Variants in SSH1 observed in about 807,000 individuals in gnomAD.
SSH1 encodes slingshot protein phosphatase 1.
Under a neutral mutation model 79.7 loss-of-function variants are expected in SSH1, and 43 were observed. The ratio of observed to expected loss-of-function variants is 0.54; its 90% CI spans 0.42 to 0.70. The LOEUF (loss-of-function observed/expected upper bound fraction) is 0.70. Ranked by LOEUF, SSH1 falls within the 30% of genes least tolerant of loss-of-function variation. SSH1 has a pLI of 0.00. For missense variants in SSH1, 1,206 were observed against 1,358.8 expected (o/e 0.89, Z 1.77); for synonymous variants, 599 against 538.3 (o/e 1.11, Z -1.56).
Position 108,817,139 on chromosome 12 carries a change from G to C in SSH1, c.300C>G (p.Ala100=). 6.2e-7 allele frequency: 1 copy of C among 1,614,098 alleles called. No individual in the cohort carries two copies. Among genetic ancestry groups the C allele is most frequent in the Non-Finnish European group, 8.5e-7 (1 of 1,180,022 alleles). ...RIKLAVRLES[A]WADRVRYMVV... is the part of the protein sequence containing the mutation. ...CCATGTACCGGACCCGGTCCGCCCA[G>C]GCGCTCTCCAGGCGCACTGCCTGGA... Residue 100 remains alanine, a synonymous_variant, in exon 5 of 15, where the codon GCC becomes GCG. Coordinates refer to ENST00000326495, the MANE Select transcript of SSH1 (RefSeq NM_018984.4).
chr12:108,783,697 G>A lies in SSH1; in HGVS notation c.*4291C>T, dbSNP rs2036192966. 6.6e-6 allele frequency: 1 copy of A among 152,260 alleles called. No individual in the cohort carries two copies. The highest frequency in any genetic ancestry group is 2.1e-4 in the South Asian group (1 of 4,832). The allele number at this position is 152,260 out of a possible 1,614,324, so 9.4% of individuals were successfully genotyped here. A position where few individuals can be genotyped will look rare whatever the true frequency, so the allele number is the denominator to read the frequency against. On this transcript the variant is annotated 3_prime_UTR_variant, in exon 15 of 15. Coordinates refer to ENST00000326495, the MANE Select transcript of SSH1 (RefSeq NM_018984.4). ...TTTGCTCTGTGGCTCAGGTGACACA[G>A]TGTGTCTGGATGCACATGATCACTT...
At position 108,781,177 on chromosome 12, in the gene SSH1, G is replaced by C. The variant is rs1392388947; in HGVS notation, c.*6811C>G. The C allele has an allele frequency of 1.3e-5, 2 of 152,188 alleles. No homozygotes were observed. The highest frequency in any genetic ancestry group is 2.9e-5 in the Non-Finnish European group (2 of 68,056). The allele number at this position is 152,188 out of a possible 1,614,324, so 9.4% of individuals were successfully genotyped here. ...CTCATGCCTATAATCTCAACACTTT[G>C]GGAGGCTGAGGCAGGAGGATCATCA... is the stretch of plus-strand genomic sequence containing the variant. On this transcript the variant is annotated 3_prime_UTR_variant, in exon 15 of 15. Transcript: ENST00000326495.
At chr12:108,820,537 ACTT>A (rs1440126493) in intron 3 of SSH1, among the ~76,000 whole-genome samples, 1 of 152,184 alleles carries the variant, frequency 6.6e-6, no homozygotes, top group African/African-American at 2.4e-5. Context: ...ACACAGATAA[ACTT>A]CTTTCAGTGG....
chr12:108,784,358 G>A lies in SSH1; in HGVS notation c.*3630C>T, dbSNP rs1683204332. 6.6e-6 allele frequency: 1 copy of A among 152,210 alleles called. No individual in the cohort carries two copies. 9.4% of individuals were successfully genotyped at this position (152,210 alleles called of 1,614,324 possible). On this transcript the variant is annotated 3_prime_UTR_variant, in exon 15 of 15. Coordinates refer to ENST00000326495, the MANE Select transcript of SSH1 (RefSeq NM_018984.4). ...CTCTTTAGCTGAAGAGGACAGGGTG[G>A]AGCAGAATGGGCTTGGACAGTACAG...
intron 2 of SSH1, chr12:108,826,169 CA>C (rs2038301589): frequency 4.4e-6 from 2 of 454,536 alleles, no homozygotes; most frequent in South Asian, 3.1e-5. Flanking sequence ...AAACCATGAG[CA>C]AAAATTCCCC....
Position 108,848,964 on chromosome 12 carries a change from C to T in SSH1, c.110+3674G>A, listed in dbSNP as rs117394966. On this transcript the variant is annotated intron_variant, in intron 2 of 14. Transcript: ENST00000326495. ...TGCTGGCCCTGGCGCTGCTGCTAAT[C>T]CACCCCAGTGGACTTAGGCATGCTC... 6.0e-3 allele frequency among the ~76,000 whole-genome samples: 916 copies of T among 152,256 alleles called. 2 individuals are homozygous for T. The highest frequency in any genetic ancestry group is 8.6e-3 in the Admixed American group (131 of 15,300).
At chr12:108,812,864 CTTTTTTT>C (rs11320530) in intron 5 of SSH1, among the ~76,000 whole-genome samples, 2 of 137,902 alleles carry the variant, frequency 1.5e-5, no homozygotes, top group Non-Finnish European at 3.1e-5. Flanking sequence ...TTTTTCTTTT[CTTTTTTT>C]TTTTTTTTTG....
At chr12:108,812,690 G>A (rs569247392) in intron 5 of SSH1, among the ~76,000 whole-genome samples, 14 of 152,300 alleles carry the variant, frequency 9.2e-5, no homozygotes, top group East Asian at 3.9e-4. Flanking sequence ...TTCTGCTCAC[G>A]GCCTTCAACT....
intron 2 of SSH1, among the ~76,000 whole-genome samples, chr12:108,832,410 G>A (rs894343129): frequency 4.0e-5 from 6 of 151,458 alleles, no homozygotes; most frequent in Non-Finnish European, 5.9e-5. Context: ...GAGGTAGAAT[G>A]GGGCTGAAAA....
At position 108,785,370 on chromosome 12, in the gene SSH1, C is replaced by G. The variant is rs1436461466; in HGVS notation, c.*2618G>C. 6.6e-6 allele frequency: 1 copy of G among 152,286 alleles called. No homozygotes were observed. Among genetic ancestry groups the G allele is most frequent in the African/African-American group, 2.4e-5 (1 of 41,442 alleles). 9.4% of individuals were successfully genotyped at this position (152,286 alleles called of 1,614,324 possible). On this transcript the variant is annotated 3_prime_UTR_variant, in exon 15 of 15. Coordinates refer to ENST00000326495, the MANE Select transcript of SSH1 (RefSeq NM_018984.4). Reference sequence around the variant, plus strand: ...CTCCTGACCTCAGATGATCCGCCTGCCTCGGCCTCCCAAAGTGCTAGGATT... The same window carrying G: ...CTCCTGACCTCAGATGATCCGCCTGGCTCGGCCTCCCAAAGTGCTAGGATT...
intron 2 of SSH1, among the ~76,000 whole-genome samples, chr12:108,848,338 C>T (rs777880470): frequency 2.6e-5 from 4 of 152,044 alleles, no homozygotes; most frequent in Admixed American, 6.6e-5. Flanking sequence ...CTGACTTTTT[C>T]GATGACCCAA....
At chr12:108,805,669 G>T (rs1454009826) in intron 9 of SSH1, among the ~76,000 whole-genome samples, 1 of 150,282 alleles carries the variant, frequency 6.7e-6, no homozygotes, top group Admixed American at 6.7e-5. Context: ...GACCAGCCTG[G>T]TCAACACAGG....
At chr12:108,824,610 T>C (rs943082846) in intron 2 of SSH1, among the ~76,000 whole-genome samples, 1 of 152,208 alleles carries the variant, frequency 6.6e-6, no homozygotes, top group Non-Finnish European at 1.5e-5. Context: ...GCCTTTGTTA[T>C]TTTAGCTAGC....
At chr12:108,802,406 A>T in intron 10 of SSH1, 38 bp from the exon 11 acceptor site, 3 of 1,605,290 alleles carry the variant, frequency 1.9e-6, no homozygotes, top group South Asian at 2.2e-5. Context: ...TGAGTGTCAC[A>T]TGTCAGCCTC....
intron 1 of SSH1, among the ~76,000 whole-genome samples, chr12:108,855,179 A>G (rs2039119664): frequency 6.6e-6 from 1 of 152,272 alleles, no homozygotes; most frequent in South Asian, 2.1e-4. Flanking sequence ...GTACTGCCAC[A>G]TGCTACAATA....
chr12:108,817,337 G>A (rs2037936098), intron 4 of SSH1, 178 bp from the exon 5 acceptor site: 2 of 782,816 alleles, frequency 2.6e-6, no homozygotes, highest in South Asian at 3.1e-5. Context: ...ACTTTGGGAG[G>A]CCAAGGTAGG....
intron 5 of SSH1, among the ~76,000 whole-genome samples, chr12:108,813,971 C>G (rs1593070441): frequency 6.6e-6 from 1 of 152,120 alleles, no homozygotes; most frequent in Non-Finnish European, 1.5e-5. Context: ...CGCCTGTAAT[C>G]CCAGCACTAT....
chr12:108,818,811 T>C (rs1450628064), intron 3 of SSH1, among the ~76,000 whole-genome samples: 1 of 152,208 alleles, frequency 6.6e-6, no homozygotes, highest in East Asian at 1.9e-4. Flanking sequence ...TGGAGTGCAG[T>C]GGTACGATCT....
chr12:108,826,345 T>C (rs1337598599), intron 2 of SSH1: 5 of 341,402 alleles, frequency 1.5e-5, no homozygotes, highest in South Asian at 4.5e-5. Flanking sequence ...ATGGCATTGA[T>C]TGGGGCCCTG....
Sources: allele counts gnomAD v4.1 joint callset (sites outside exome capture counted in the v4.1 genomes callset), GRCh38; gene constraint gnomAD v4.1.1; transcripts MANE v1.5; gene names NCBI Gene and HGNC (gene_info 2026-07-23, HGNC 2026-07-21).